Variants in IGF2BP3 observed in about 807,000 individuals in gnomAD.
IGF2BP3 encodes the protein insulin-like growth factor 2 mRNA-binding protein 3.
IGF2BP3 carries 9 observed loss-of-function variants against 73.8 expected under a neutral mutation model. The observed-to-expected ratio is 0.12, with a 90% CI of 0.07 to 0.21. The LOEUF is 0.21. Ranked by LOEUF, IGF2BP3 falls within the 10% of genes least tolerant of loss-of-function variation. IGF2BP3 has a pLI of 1.00. For synonymous variants in IGF2BP3, 258 were observed against 256.7 expected, an observed-to-expected ratio of 1.01 and a Z score of -0.05; for missense variants, 542 against 714.0, an observed-to-expected ratio of 0.76 and a Z score of 2.75.
At chr7:23,334,941 G>C (rs1025174093) in intron 10 of IGF2BP3, among the ~76,000 whole-genome samples, 6 of 151,798 alleles carry the variant, frequency 4.0e-5, no homozygotes, top group Non-Finnish European at 2.9e-5. Context: ...AGGATGCCAC[G>C]GTTTCCCTTT....
At chr7:23,327,516 C>T (rs1345669219) in intron 10 of IGF2BP3, among the ~76,000 whole-genome samples, 1 of 151,994 alleles carries the variant, frequency 6.6e-6, no homozygotes, top group Non-Finnish European at 1.5e-5. Context: ...CTCCTGACCT[C>T]GTGATCCGCC....
chr7:23,438,451 G>A (rs1787855088), intron 2 of IGF2BP3, among the ~76,000 whole-genome samples: 1 of 152,052 alleles, frequency 6.6e-6, no homozygotes, highest in African/African-American at 2.4e-5. Context: ...GAAGACTCAA[G>A]GTCACATCAA....
At chr7:23,458,631 A>G (rs1788374719) in intron 2 of IGF2BP3, among the ~76,000 whole-genome samples, 1 of 152,140 alleles carries the variant, frequency 6.6e-6, no homozygotes, top group Admixed American at 6.5e-5. Context: ...CCCCTCTCCA[A>G]CTTCTCCGCA....
chr7:23,403,155 C>CTG (rs1210345512), intron 3 of IGF2BP3, among the ~76,000 whole-genome samples: 1 of 152,196 alleles, frequency 6.6e-6, no homozygotes, highest in Non-Finnish European at 1.5e-5. Context: ...TCTTCCAAAA[C>CTG]TGTATCATGT....
intron 2 of IGF2BP3, among the ~76,000 whole-genome samples, chr7:23,464,927 GCAA>G (rs1352026155): frequency 2.0e-5 from 3 of 152,002 alleles, no homozygotes; most frequent in African/African-American, 2.4e-5. Flanking sequence ...ATAGGAGGCA[GCAA>G]CAACAACAAA....
intron 10 of IGF2BP3, among the ~76,000 whole-genome samples, chr7:23,319,989 C>T (rs982173890): frequency 6.6e-6 from 1 of 152,078 alleles, no homozygotes; most frequent in Non-Finnish European, 1.5e-5. Flanking sequence ...CGGCTCACTG[C>T]AACCTCCACC....
At position 23,469,613 on chromosome 7, in the gene IGF2BP3, G is replaced by A. The variant is rs1186538005; in HGVS notation, c.175+323C>T. 1 of 162,468 alleles carries A rather than the reference G, an allele frequency of 6.2e-6. No homozygotes were observed. Among genetic ancestry groups the A allele is most frequent in the African/African-American group, 2.4e-5 (1 of 41,766 alleles). The allele number at this position is 162,468 out of a possible 1,614,324, so 10.1% of individuals were successfully genotyped here. ...CCCGAGGCCCAGCGTGCCGGGGCCT[G>A]GAGCACGCGCCTGGGCCCGGGCGGG... On this transcript the variant is annotated intron_variant, in intron 1 of 14. Transcript: ENST00000258729. The surrounding 1 kb of genome is among the most constrained non-coding windows in gnomAD (Gnocchi z 6.1).
intron 6 of IGF2BP3, among the ~76,000 whole-genome samples, chr7:23,349,129 C>T (rs1394183266): frequency 3.9e-5 from 6 of 152,030 alleles, no homozygotes; most frequent in Admixed American, 3.9e-4. Flanking sequence ...ATAAGCCTGC[C>T]ATTTTTTAAT....
At chr7:23,351,206 G>T in intron 6 of IGF2BP3, 99 bp downstream of exon 6, 7 of 1,317,668 alleles carry the variant, frequency 5.3e-6, no homozygotes, top group Non-Finnish European at 7.5e-6. Context: ...AGTCCTCATG[G>T]CTGTGTTCAG....
intron 11 of IGF2BP3, among the ~76,000 whole-genome samples, chr7:23,318,374 C>T (rs1784048768): frequency 1.3e-5 from 2 of 151,968 alleles, no homozygotes; most frequent in African/African-American, 4.8e-5. Context: ...AGGTGTGTGC[C>T]ACCATGCCTG....
At chr7:23,460,533 A>C (rs1340477915) in intron 2 of IGF2BP3, among the ~76,000 whole-genome samples, 1 of 57,830 alleles carries the variant, frequency 1.7e-5, no homozygotes, top group African/African-American at 1.1e-4. Context: ...CTCCATCTCA[A>C]AAAAAAAAAA....
intron 7 of IGF2BP3, among the ~76,000 whole-genome samples, 197 bp downstream of exon 7, chr7:23,347,403 T>C (rs902848984): frequency 6.6e-6 from 1 of 152,192 alleles, no homozygotes; most frequent in Non-Finnish European, 1.5e-5. Context: ...CACTCGCCTA[T>C]GTTCAAATGT....
chr7:23,343,010 T>C (rs1261221015), intron 9 of IGF2BP3, among the ~76,000 whole-genome samples: 1 of 152,136 alleles, frequency 6.6e-6, no homozygotes, highest in East Asian at 1.9e-4. Flanking sequence ...CTGGCCCAAT[T>C]GAAAAAAAAT....
chr7:23,317,516 C>A, intron 12 of IGF2BP3, 123 bp downstream of exon 12: 1 of 729,698 alleles, frequency 1.4e-6, no homozygotes, highest in Non-Finnish European at 2.4e-6. Context: ...TTCTACTCAG[C>A]TCTTAGATAA....
chr7:23,373,180 G>A lies in IGF2BP3; in HGVS notation c.286-11439C>T, dbSNP rs575801861. On this transcript the variant is annotated intron_variant, in intron 3 of 14. Transcript: ENST00000258729. ...TGCTCATGTTCCAAGTACTAAATAC[G>A]ATACTTCTATACATCTTAGTCAGAA... is the stretch of plus-strand genomic sequence containing the variant. 3.4e-4 allele frequency among the ~76,000 whole-genome samples: 51 copies of A among 152,232 alleles called. No homozygotes were observed. In the South Asian group the frequency reaches 9.5e-3, roughly 28 times the overall value.
At chr7:23,468,979 C>A (rs1246771914) in intron 1 of IGF2BP3, among the ~76,000 whole-genome samples, 2 of 152,214 alleles carry the variant, frequency 1.3e-5, no homozygotes, top group Non-Finnish European at 2.9e-5. Flanking sequence ...GAACACTCAG[C>A]GGTGGGCTTG....
At position 23,310,857 on chromosome 7, in the gene IGF2BP3, ACAAAACT is replaced by A. The variant is rs986871629; in HGVS notation, c.*1498_*1504del. 10 of 152,188 alleles carry A rather than the reference ACAAAACT, an allele frequency of 6.6e-5. No individual in the cohort carries two copies. Among genetic ancestry groups the A allele is most frequent in the African/African-American group, 2.2e-4 (9 of 41,432 alleles). 9.4% of individuals were successfully genotyped at this position (152,188 alleles called of 1,614,324 possible). The stretch of plus-strand genomic sequence containing the variant: ...TAACATGACTGTGATCATCTTACAA[ACAAAACT>A]CAAAAAATCAATTCAGAGAGCAGCG... On this transcript the variant is annotated 3_prime_UTR_variant, in exon 15 of 15. Transcript: ENST00000258729.
rs1193458209 is a variant in IGF2BP3, at chr7:23,312,825, T to A, written c.1551A>T (p.Ser517=). 6.2e-7 allele frequency: 1 copy of A among 1,608,776 alleles called. No individual in the cohort carries two copies. The highest frequency in any genetic ancestry group is 2.2e-5 in the East Asian group (1 of 44,878). ...CACGAGGGACAACAACTTCTGCACT[T>A]GACAAATTCTGAAGTTCATTCACCT... ...GKTVNELQNL[S]SAEVVVPRDQ... Residue 517 remains serine (S), a synonymous_variant, in exon 14 of 15, where the codon TCA becomes TCT. Transcript: ENST00000258729.
At chr7:23,384,824 A>G (rs944306704) in intron 3 of IGF2BP3, among the ~76,000 whole-genome samples, 1 of 152,156 alleles carries the variant, frequency 6.6e-6, no homozygotes, top group African/African-American at 2.4e-5. Flanking sequence ...CTCAGAGGCA[A>G]AGGTTGTAGT....
Sources: gnomAD v4.1 joint callset for allele counts (sites outside exome capture counted in the v4.1 genomes callset) on GRCh38, gnomAD v4.1.1 for gene constraint, Gnocchi (gnomAD v3.1) non-coding constraint, MANE v1.5 for transcripts, NCBI Gene and HGNC (gene_info 2026-07-23, HGNC 2026-07-21) for gene names.